Variants in KIAA0930 observed in about 807,000 individuals in gnomAD.
The protein encoded by KIAA0930 is uncharacterized protein KIAA0930.
Under a neutral mutation model 43.9 loss-of-function variants are expected in KIAA0930, and 24 were observed. That is an observed-to-expected ratio of 0.55 (90% CI 0.40 to 0.77). The LOEUF is 0.77. Ranked by LOEUF, KIAA0930 falls within the 30% of genes least tolerant of loss-of-function variation. KIAA0930 has a pLI of 0.00. For synonymous variants in KIAA0930, 259 were observed against 216.4 expected, an observed-to-expected ratio of 1.20 and a Z score of -1.73; for missense variants, 461 against 574.2, an observed-to-expected ratio of 0.80 and a Z score of 2.02.
intron 5 of KIAA0930, 61 bp downstream of exon 5, chr22:45,205,156 C>A: frequency 7.3e-7 from 1 of 1,362,600 alleles, no homozygotes; most frequent in Non-Finnish European, 1.0e-6. Context: ...CGGGGAGAAG[C>A]GCCTAACACC....
intron 5 of KIAA0930, among the ~76,000 whole-genome samples, chr22:45,204,201 A>C (rs528225572): frequency 6.1e-4 from 93 of 152,270 alleles, no homozygotes; most frequent in African/African-American, 2.2e-3. Flanking sequence ...GAGGACAGGG[A>C]CGCTTACGGA....
At chr22:45,198,392 C>T (rs1256204820) in intron 8 of KIAA0930, among the ~76,000 whole-genome samples, 4 of 152,218 alleles carry the variant, frequency 2.6e-5, no homozygotes, top group Non-Finnish European at 4.4e-5. Flanking sequence ...GAGAGGCAGA[C>T]TAGGGCAGTG....
chr22:45,230,507 C>A (rs2147764911), intron 1 of KIAA0930, among the ~76,000 whole-genome samples: 1 of 151,988 alleles, frequency 6.6e-6, no homozygotes, highest in East Asian at 1.9e-4. Flanking sequence ...GAAGACACAG[C>A]AATTAGTTGA....
chr22:45,238,590 T>C (rs887510305), intron 1 of KIAA0930, among the ~76,000 whole-genome samples: 7 of 152,168 alleles, frequency 4.6e-5, no homozygotes, highest in African/African-American at 7.2e-5. Flanking sequence ...TTAGAGATGC[T>C]TGTGGGGCAC....
intron 1 of KIAA0930, among the ~76,000 whole-genome samples, chr22:45,237,958 T>C (rs1247606384): frequency 6.6e-6 from 1 of 151,494 alleles, no homozygotes; most frequent in African/African-American, 2.4e-5. Context: ...TCTCACTCTG[T>C]AGCCCAGGCT....
At chr22:45,233,866 G>A (rs940705194) in intron 1 of KIAA0930, among the ~76,000 whole-genome samples, 4 of 152,174 alleles carry the variant, frequency 2.6e-5, no homozygotes, top group African/African-American at 7.2e-5. Flanking sequence ...TACAAGTCCC[G>A]CTTGGCCCTG....
intron 1 of KIAA0930, among the ~76,000 whole-genome samples, chr22:45,238,769 G>A (rs1189751504): frequency 2.6e-5 from 4 of 152,084 alleles, no homozygotes; most frequent in Admixed American, 1.3e-4. Flanking sequence ...TAAAGACCTG[G>A]CTGGGGATAT....
intron 1 of KIAA0930, among the ~76,000 whole-genome samples, chr22:45,218,582 T>A (rs2083748030): frequency 6.6e-6 from 1 of 151,892 alleles, no homozygotes; most frequent in African/African-American, 2.4e-5. Flanking sequence ...CAAACCTCAG[T>A]CTTCATTTTC....
chr22:45,225,989 C>T (rs1266599955), intron 1 of KIAA0930, among the ~76,000 whole-genome samples: 2 of 152,250 alleles, frequency 1.3e-5, no homozygotes, highest in African/African-American at 4.8e-5. Context: ...GCTTGTCACA[C>T]TGGCCCCTCC....
At chr22:45,237,743 C>T (rs1251711848) in intron 1 of KIAA0930, among the ~76,000 whole-genome samples, 1 of 152,178 alleles carries the variant, frequency 6.6e-6, no homozygotes, top group Non-Finnish European at 1.5e-5. Flanking sequence ...AAACACAACC[C>T]TGCCCCCACA....
intron 2 of KIAA0930, among the ~76,000 whole-genome samples, chr22:45,207,090 T>A (rs2083644889): frequency 1.3e-5 from 2 of 151,566 alleles, no homozygotes; most frequent in South Asian, 4.2e-4. Context: ...CACTGCAACC[T>A]CTACCTCCTG....
rs1210312750 is a variant in KIAA0930 at position 45,240,624 on chromosome 22, C to G, written c.64+16G>C. On this transcript the variant is annotated intron_variant, in intron 1 of 9. Transcript: ENST00000336156. The stretch of plus-strand genomic sequence containing the variant: ...TCACCTCTCCCGGCCCGGCCTCGCC[C>G]CCGGGTCCCACTCACCGAGGCCGCA... 20 of 1,520,658 alleles carry G rather than the reference C, an allele frequency of 1.3e-5. No individual in the cohort carries two copies. The highest frequency in any genetic ancestry group is 1.8e-5 in the Non-Finnish European group (20 of 1,137,682). 94.2% of individuals were successfully genotyped at this position (1,520,658 alleles called of 1,614,324 possible). A position where few individuals can be genotyped will look rare whatever the true frequency, so the allele number is the denominator to read the frequency against.
In KIAA0930 at chr22:45,197,968, G is replaced by A. The variant is rs762856002; in HGVS notation, c.1016-20C>T. The A allele has an allele frequency of 1.2e-6, 2 of 1,613,178 alleles. No homozygotes were observed. Among genetic ancestry groups the A allele is most frequent in the South Asian group, 2.2e-5 (2 of 91,056 alleles). On this transcript the variant is annotated intron_variant, in intron 8 of 9. Coordinates refer to ENST00000336156, the MANE Select transcript of KIAA0930 (RefSeq NM_001009880.2). The stretch of plus-strand genomic sequence containing the variant: ...GATCGGCTGGAGGAAAGAAGGCCAG[G>A]TCAAGGCCCCCACAGCATGGGACGC...
intron 2 of KIAA0930, 95 bp downstream of exon 2, chr22:45,211,861 T>G: frequency 8.0e-7 from 1 of 1,242,354 alleles, no homozygotes; most frequent in Non-Finnish European, 1.1e-6. Context: ...TTGATATGCA[T>G]GAGCACTGTA....
intron 8 of KIAA0930, among the ~76,000 whole-genome samples, chr22:45,198,821 T>G (rs1002921387): frequency 2.0e-5 from 3 of 152,164 alleles, no homozygotes; most frequent in Non-Finnish European, 4.4e-5. Flanking sequence ...GGCTAATTTT[T>G]TGTATTTTTA....
intron 8 of KIAA0930, among the ~76,000 whole-genome samples, chr22:45,199,146 T>C (rs1368151150): frequency 1.3e-5 from 2 of 152,138 alleles, no homozygotes; most frequent in African/African-American, 2.4e-5. Context: ...GCATTTTAAA[T>C]ATGCTAATCT....
chr22:45,199,986 G>C lies in KIAA0930; in HGVS notation c.902C>G (p.Ala301Gly). 1 of 1,608,778 alleles carries C rather than the reference G, an allele frequency of 6.2e-7. No individual in the cohort carries two copies. Among genetic ancestry groups the C allele is most frequent in the Non-Finnish European group, 8.5e-7 (1 of 1,177,460 alleles). ...CCTCTTGAGGGATGGGGAGAAGAAG[G>C]CAGGCCGGTTGTTCCGTTCTGGGGT... ...PPTPERNNRP[A>G]FFSPSLKRKV... The change falls in exon 8 of 10, where the codon GCC becomes GGC. Residue 301 changes from alanine to glycine, a missense_variant. By Grantham distance (60) the Ala-to-Gly change is moderately conservative. Coordinates refer to ENST00000336156, the MANE Select transcript of KIAA0930 (RefSeq NM_001009880.2).
chr22:45,199,381 G>A (rs1322663921), intron 8 of KIAA0930, among the ~76,000 whole-genome samples: 4 of 152,186 alleles, frequency 2.6e-5, no homozygotes, highest in African/African-American at 9.7e-5. Flanking sequence ...GGGGTAGGCT[G>A]CACGAGGTGG....
intron 2 of KIAA0930, among the ~76,000 whole-genome samples, chr22:45,210,639 A>T (rs919885729): frequency 9.2e-5 from 14 of 151,502 alleles, no homozygotes; most frequent in Admixed American, 9.2e-4. Flanking sequence ...GTACACCCAG[A>T]CAGGGCGGGC....
Sources: gnomAD v4.1 joint callset for allele counts (sites outside exome capture counted in the v4.1 genomes callset) on GRCh38, gnomAD v4.1.1 for gene constraint, MANE v1.5 for transcripts, NCBI Gene and HGNC (gene_info 2026-07-23, HGNC 2026-07-21) for gene names.